The following ZFAND3 variants were observed in gnomAD, a reference collection of about 807,000 sequenced individuals.
ZFAND3 encodes AN1-type zinc finger protein 3.
Under a neutral mutation model 29.6 loss-of-function variants are expected in ZFAND3, and 10 were observed. The ratio of observed to expected loss-of-function variants is 0.34; its 90% CI spans 0.21 to 0.57. ZFAND3 has a LOEUF of 0.57. ZFAND3 is among the 20% of genes least tolerant of loss of function. ZFAND3 has a pLI of 0.86. For missense variants in ZFAND3, 230 were observed against 304.5 expected (o/e 0.76, Z 1.82); for synonymous variants, 128 against 112.6 (o/e 1.14, Z -0.87).
At chr6:38,026,382 A>G (rs973417381) in intron 2 of ZFAND3, among the ~76,000 whole-genome samples, 5 of 133,428 alleles carry the variant, frequency 3.7e-5, no homozygotes, top group African/African-American at 1.4e-4. Context: ...ACATTACATT[A>G]TGGATTCTGC....
At position 38,010,615 on chromosome 6, in the gene ZFAND3, T is replaced by C. The variant is rs1415883722; in HGVS notation, c.113-50978T>C. 1.9e-4 allele frequency among the ~76,000 whole-genome samples: 28 copies of C among 151,332 alleles called. 1 individual carries two copies. The highest frequency in any genetic ancestry group is 3.4e-3 in the Middle Eastern group (1 of 294). On this transcript the variant is annotated intron_variant, in intron 2 of 5. Coordinates refer to ENST00000287218, the MANE Select transcript of ZFAND3 (RefSeq NM_021943.3). ...GCCCCCAACCTTTTTTTTTTTTTTT[T>C]CCGAGACAGGATCTTGCTCTGTCAC...
At chr6:37,841,226 A>G (rs2127373961) in intron 1 of ZFAND3, among the ~76,000 whole-genome samples, 1 of 152,352 alleles carries the variant, frequency 6.6e-6, no homozygotes, top group African/African-American at 2.4e-5. Context: ...AACTTTATGG[A>G]AAGAGAGACT....
At chr6:37,898,999 C>G (rs1284912592) in intron 1 of ZFAND3, among the ~76,000 whole-genome samples, 1 of 152,148 alleles carries the variant, frequency 6.6e-6, no homozygotes, top group Non-Finnish European at 1.5e-5. Flanking sequence ...GGGTTCACGC[C>G]ATTCTCCTAC....
chr6:37,863,965 G>A (rs1407487409), intron 1 of ZFAND3, among the ~76,000 whole-genome samples: 1 of 151,986 alleles, frequency 6.6e-6, no homozygotes, highest in Non-Finnish European at 1.5e-5. Flanking sequence ...CACTAGACTA[G>A]TGACAAACAG....
intron 1 of ZFAND3, among the ~76,000 whole-genome samples, chr6:37,859,642 T>C (rs775555860): frequency 6.6e-6 from 1 of 152,166 alleles, no homozygotes; most frequent in Non-Finnish European, 1.5e-5. Flanking sequence ...CAGGTGAGGC[T>C]TTGATTTCAG....
At position 37,882,531 on chromosome 6, in the gene ZFAND3, T is replaced by TC. The variant is rs559491847; in HGVS notation, c.72-47423dup. ...CTGCTACACACACTGCTGCTATACT[T>TC]CCCCCTTGGAGAAGGAAATGAATGT... On this transcript the variant is annotated intron_variant, in intron 1 of 5. Coordinates refer to ENST00000287218, the MANE Select transcript of ZFAND3 (RefSeq NM_021943.3). 7.9e-5 allele frequency among the ~76,000 whole-genome samples: 12 copies of TC among 152,248 alleles called. No individual in the cohort carries two copies. In the South Asian group the frequency reaches 2.5e-3, roughly 32 times the overall value.
At chr6:38,066,920 C>G (rs1764357642) in intron 3 of ZFAND3, among the ~76,000 whole-genome samples, 2 of 152,226 alleles carry the variant, frequency 1.3e-5, no homozygotes, top group Admixed American at 1.3e-4. Flanking sequence ...ACATATGTCT[C>G]CCTGTCCCAA....
intron 2 of ZFAND3, among the ~76,000 whole-genome samples, chr6:38,002,213 TAATG>T (rs1762960757): frequency 6.6e-6 from 1 of 151,580 alleles, no homozygotes; most frequent in African/African-American, 2.4e-5. Context: ...AATGAAGACA[TAATG>T]GATACAAAGA....
chr6:38,144,071 T>C (rs1766016856), intron 5 of ZFAND3, among the ~76,000 whole-genome samples: 1 of 151,054 alleles, frequency 6.6e-6, no homozygotes, highest in Non-Finnish European at 1.5e-5. Context: ...ACAAGCTTCC[T>C]TGTAACCACC....
chr6:37,828,030 C>A (rs564164977), intron 1 of ZFAND3, among the ~76,000 whole-genome samples: 238 of 152,294 alleles, frequency 1.6e-3, no homozygotes, highest in Non-Finnish European at 2.2e-3. Flanking sequence ...TCATTTATTT[C>A]TGCTGAAGTA....
At chr6:37,908,542 T>TAAAAAAAAAAAAAAAAAAAAAA (rs70981504) in intron 1 of ZFAND3, among the ~76,000 whole-genome samples, 3 of 124,128 alleles carry the variant, frequency 2.4e-5, no homozygotes, top group Non-Finnish European at 5.0e-5. Flanking sequence ...AAAAAAAAAT[T>TAAAAAAAAAAAAAAAAAAAAAA]AAAAAAAAAA....
At chr6:38,074,926 T>C (rs189376840) in intron 3 of ZFAND3, among the ~76,000 whole-genome samples, 1 of 152,332 alleles carries the variant, frequency 6.6e-6, no homozygotes, top group Non-Finnish European at 1.5e-5. Flanking sequence ...CAACAAAGCC[T>C]GGATGACTGC....
At chr6:38,116,056 A>G (rs891265812) in intron 4 of ZFAND3, among the ~76,000 whole-genome samples, 1 of 152,224 alleles carries the variant, frequency 6.6e-6, no homozygotes, top group African/African-American at 2.4e-5. Context: ...TAATTTTACT[A>G]TAAAAGATTA....
chr6:37,839,820 G>T (rs1166865961), intron 1 of ZFAND3, among the ~76,000 whole-genome samples: 1 of 151,892 alleles, frequency 6.6e-6, no homozygotes, highest in Non-Finnish European at 1.5e-5. Context: ...GCCATAAGTT[G>T]TAAAATTTAT....
chr6:37,993,035 A>G lies in ZFAND3; in HGVS notation c.112+63036A>G, dbSNP rs143245479. Among the ~76,000 whole-genome samples the G allele has an allele frequency of 2.0e-5, 3 of 152,258 alleles. No homozygotes were observed. In the East Asian group the frequency reaches 5.8e-4, roughly 29 times the overall value. On this transcript the variant is annotated intron_variant, in intron 2 of 5. Coordinates refer to ENST00000287218, the MANE Select transcript of ZFAND3 (RefSeq NM_021943.3). The stretch of plus-strand genomic sequence containing the variant: ...AGATTGTGCTTCTCTTGGTATTGCC[A>G]TGTTTGATCATGTACTTAAGTTGAT...
rs753683542 is a variant in ZFAND3 at position 38,097,929 on chromosome 6, GC to G, written c.361+15475del. On this transcript the variant is annotated intron_variant, in intron 4 of 5. Coordinates refer to ENST00000287218, the MANE Select transcript of ZFAND3 (RefSeq NM_021943.3). ...TAGGGAAGGAGGGAGAGCCATAGCA[GC>G]CCTTGTTTGAACAGGTGAGCGCTGT... Among the ~76,000 whole-genome samples the G allele has an allele frequency of 2.6e-5, 4 of 152,352 alleles. No homozygotes were observed. The East Asian group carries it at 7.7e-4, about 29-fold the overall frequency.
Position 37,891,161 on chromosome 6 carries a change from A to G in ZFAND3, c.72-38798A>G, listed in dbSNP as rs143920705. On this transcript the variant is annotated intron_variant, in intron 1 of 5. Coordinates refer to ENST00000287218, the MANE Select transcript of ZFAND3 (RefSeq NM_021943.3). ...ACATTTCATATAAATGGAATCATAC[A>G]ATACGTGGTCTTTTGTGACTGGCTT... Among the ~76,000 whole-genome samples, 7 of 152,316 alleles carry G rather than the reference A, an allele frequency of 4.6e-5. No individual in the cohort carries two copies. The East Asian group carries it at 1.3e-3, about 29-fold the overall frequency.
chr6:38,054,583 C>T (rs758136721), intron 2 of ZFAND3, among the ~76,000 whole-genome samples: 1 of 151,826 alleles, frequency 6.6e-6, no homozygotes, highest in African/African-American at 2.4e-5. Context: ...GAGAAGGAAT[C>T]GCCATGAGAG....
rs182490768 is a variant in ZFAND3 at position 37,951,794 on chromosome 6, A to G, written c.112+21795A>G. On this transcript the variant is annotated intron_variant, in intron 2 of 5. Coordinates refer to ENST00000287218, the MANE Select transcript of ZFAND3 (RefSeq NM_021943.3). Reference sequence around the variant, plus strand: ...TCTGATTCTCAAGGGAAATACTTCTAGTTTTTGCCTGTTTAGTATGATGTT... The same window carrying G: ...TCTGATTCTCAAGGGAAATACTTCTGGTTTTTGCCTGTTTAGTATGATGTT... 1.7e-3 allele frequency among the ~76,000 whole-genome samples: 253 copies of G among 152,084 alleles called. 1 individual carries two copies. The highest frequency in any genetic ancestry group is 5.8e-3 in the African/African-American group (242 of 41,480).
Sources: gnomAD v4.1 joint callset for allele counts (sites outside exome capture counted in the v4.1 genomes callset) on GRCh38, gnomAD v4.1.1 for gene constraint, MANE v1.5 for transcripts, NCBI Gene and HGNC (gene_info 2026-07-23, HGNC 2026-07-21) for gene names.